PCOLCE2: variants seen among roughly 807,000 people sequenced by gnomAD.
The protein encoded by PCOLCE2 is procollagen C-endopeptidase enhancer 2, also known as procollagen C-proteinase enhancer 2.
A neutral mutation model predicts 47.0 loss-of-function variants in PCOLCE2; 42 were observed. The ratio of observed to expected loss-of-function variants is 0.89; its 90% CI spans 0.70 to 1.16. The LOEUF is 1.16. Ranked by LOEUF, PCOLCE2 falls within the 50% of genes most tolerant of loss-of-function variation. The probability of loss-of-function intolerance (pLI) is 0.00; values close to 1 mark genes in which losing one functional copy is unlikely to be tolerated. For synonymous variants in PCOLCE2, 169 were observed against 191.7 expected (o/e 0.88, Z 0.98); for missense variants, 500 against 526.1 (o/e 0.95, Z 0.49).
intron 2 of PCOLCE2, among the ~76,000 whole-genome samples, chr3:142,859,733 T>C (rs1933143988): frequency 1.3e-5 from 2 of 152,070 alleles, no homozygotes; most frequent in Non-Finnish European, 2.9e-5. Flanking sequence ...ACCTGGCTAA[T>C]TTTTTGTATT....
intron 2 of PCOLCE2, among the ~76,000 whole-genome samples, chr3:142,875,077 T>A (rs1266390373): frequency 2.6e-5 from 4 of 152,218 alleles, no homozygotes; most frequent in African/African-American, 9.6e-5. Context: ...ATCTAAGATT[T>A]ATGGGGCATA....
At chr3:142,835,472 TGG>T in intron 5 of PCOLCE2, among the ~76,000 whole-genome samples, 1 of 152,302 alleles carries the variant, frequency 6.6e-6, no homozygotes, top group South Asian at 2.1e-4. Context: ...GTTTTTATTT[TGG>T]GGGGATGTGT....
At chr3:142,879,147 C>T (rs1007090032) in intron 2 of PCOLCE2, among the ~76,000 whole-genome samples, 2 of 151,908 alleles carry the variant, frequency 1.3e-5, no homozygotes, top group Admixed American at 6.6e-5. Flanking sequence ...TTGATTTACA[C>T]TACTTTAAAA....
chr3:142,833,553 TGTGC>T (rs987389772), intron 5 of PCOLCE2, among the ~76,000 whole-genome samples: 1 of 151,974 alleles, frequency 6.6e-6, no homozygotes, highest in African/African-American at 2.4e-5. Context: ...TGCTTTATAG[TGTGC>T]ACTATAACAC....
chr3:142,844,847 G>C (rs1018821444), intron 3 of PCOLCE2, among the ~76,000 whole-genome samples: 21 of 152,048 alleles, frequency 1.4e-4, no homozygotes, highest in Admixed American at 4.6e-4. Context: ...TAGGCTATTT[G>C]TATTTGTAAC....
Position 142,829,812 on chromosome 3 carries a change from G to A in PCOLCE2, c.745C>T (p.Gln249Ter). The stretch of plus-strand genomic sequence containing the variant: ...GTTAAACTTAAGTCTGATAAAAACT[G>A]AATAAGAAGTTCATTTCTCTCAGAC... ...IVSERNELLI[Q>*]FLSDLSLTAD... is the part of the protein sequence containing the mutation. Residue 249 changes from glutamine (Q) to a stop codon, truncating the protein, a stop_gained, in exon 6 of 9, where the codon CAG (glutamine) becomes TAG (stop). Coordinates refer to ENST00000295992, the MANE Select transcript of PCOLCE2 (RefSeq NM_013363.4). LOFTEE classifies it high-confidence loss of function. 6.3e-7 allele frequency: 1 copy of A among 1,595,352 alleles called. No homozygotes were observed. The highest frequency in any genetic ancestry group is 8.6e-7 in the Non-Finnish European group (1 of 1,168,866).
intron 6 of PCOLCE2, among the ~76,000 whole-genome samples, chr3:142,829,080 T>A (rs986015070): frequency 5.3e-5 from 8 of 152,144 alleles, no homozygotes; most frequent in Middle Eastern, 3.4e-3. Flanking sequence ...AGGCCTGAAA[T>A]CCCAGGGGGT....
rs1372759643 is a variant in PCOLCE2, at chr3:142,829,805, A to T, written c.752T>A (p.Leu251Ter). ...ATCTGCAGTTAAACTTAAGTCTGATAAAAACTGAATAAGAAGTTCATTTCT... is the reference window on the plus strand; with the variant it reads ...ATCTGCAGTTAAACTTAAGTCTGATTAAAACTGAATAAGAAGTTCATTTCT... ...SERNELLIQF[L>*]SDLSLTADGF... The change falls in exon 6 of 9, where the codon TTA (leucine) becomes TAA (stop). Residue 251 changes from leucine to a stop codon, truncating the protein, a stop_gained. Transcript: ENST00000295992. LOFTEE classifies it high-confidence loss of function. 6.2e-7 allele frequency: 1 copy of T among 1,602,236 alleles called. No individual in the cohort carries two copies. The highest frequency in any genetic ancestry group is 8.5e-7 in the Non-Finnish European group (1 of 1,172,812).
At chr3:142,869,865 A>C (rs1933352094) in intron 2 of PCOLCE2, among the ~76,000 whole-genome samples, 1 of 152,176 alleles carries the variant, frequency 6.6e-6, no homozygotes, top group Admixed American at 6.5e-5. Context: ...TGGCCCAACC[A>C]ACTGGGGCAC....
chr3:142,846,298 A>G (rs537807894), intron 3 of PCOLCE2, among the ~76,000 whole-genome samples: 2 of 152,218 alleles, frequency 1.3e-5, no homozygotes, highest in Non-Finnish European at 2.9e-5. Context: ...TGCAGGTTCA[A>G]GCGATTCTCC....
intron 2 of PCOLCE2, among the ~76,000 whole-genome samples, chr3:142,861,811 A>G (rs1933187455): frequency 6.6e-6 from 1 of 152,208 alleles, no homozygotes; most frequent in Non-Finnish European, 1.5e-5. Flanking sequence ...GCTTGTCACC[A>G]GTGTGATGGG....
At chr3:142,887,453 A>G (rs1933737398) in intron 2 of PCOLCE2, 1 of 435,554 alleles carries the variant, frequency 2.3e-6, no homozygotes, top group African/African-American at 2.0e-5. Flanking sequence ...TTATTCCTTC[A>G]AGCATTATCT....
chr3:142,886,388 C>G (rs373855856), intron 2 of PCOLCE2, among the ~76,000 whole-genome samples: 2 of 152,128 alleles, frequency 1.3e-5, no homozygotes, highest in African/African-American at 4.8e-5. Flanking sequence ...AACACAATCA[C>G]GACATGAAAA....
chr3:142,870,972 A>G (rs1266603040), intron 2 of PCOLCE2, among the ~76,000 whole-genome samples: 2 of 152,176 alleles, frequency 1.3e-5, no homozygotes, highest in Admixed American at 1.3e-4. Flanking sequence ...TGGAACAGCA[A>G]TCTGCTGTGA....
chr3:142,884,263 A>G (rs1242019614), intron 2 of PCOLCE2, among the ~76,000 whole-genome samples: 1 of 152,190 alleles, frequency 6.6e-6, no homozygotes, highest in East Asian at 1.9e-4. Flanking sequence ...GGCTTAATAC[A>G]GGTGGGAGTT....
Position 142,838,758 on chromosome 3 carries a change from G to C in PCOLCE2, c.710+12C>G. The C allele has an allele frequency of 1.9e-6, 3 of 1,610,684 alleles. No homozygotes were observed. The highest frequency in any genetic ancestry group is 1.1e-5 in the South Asian group (1 of 90,748). On this transcript the variant is annotated intron_variant, in intron 5 of 8. Transcript: ENST00000295992. The stretch of plus-strand genomic sequence containing the variant: ...CATAAAACTATTAAAGACATAAATA[G>C]GTGCTACTTACGCAGGTGGACTATC...
chr3:142,866,420 G>A (rs923199051), intron 2 of PCOLCE2, among the ~76,000 whole-genome samples: 3 of 152,116 alleles, frequency 2.0e-5, no homozygotes, highest in Non-Finnish European at 4.4e-5. Flanking sequence ...AGTTTTCCTG[G>A]TTCACCAGCT....
intron 1 of PCOLCE2, chr3:142,888,525 G>A: frequency 2.8e-6 from 1 of 357,942 alleles, no homozygotes; most frequent in Non-Finnish European, 5.0e-6. Flanking sequence ...CGAGGAGAGG[G>A]GAGACACAAG....
At chr3:142,846,826 C>T (rs560857393) in intron 3 of PCOLCE2, 3 of 152,136 alleles carry the variant, frequency 2.0e-5, no homozygotes, top group East Asian at 1.9e-4. Context: ...TTAATAGTTC[C>T]TGTTTCTCTT....
Sources: gnomAD v4.1 joint callset for allele counts (sites outside exome capture counted in the v4.1 genomes callset) on GRCh38, gnomAD v4.1.1 for gene constraint, MANE v1.5 for transcripts, NCBI Gene and HGNC (gene_info 2026-07-23, HGNC 2026-07-21) for gene names.